Variants in SUMF1 observed in about 807,000 individuals in gnomAD.
SUMF1 encodes formylglycine-generating enzyme.
SUMF1 carries 48 observed loss-of-function variants against 47.6 expected under a neutral mutation model. The observed-to-expected ratio is 1.01, with a 90% CI of 0.80 to 1.28. The LOEUF (loss-of-function observed/expected upper bound fraction) is 1.28, where lower values mean the gene tolerates loss of function less well. Ranked by LOEUF, SUMF1 falls within the 50% of genes most tolerant of loss-of-function variation. SUMF1 has a pLI of 0.00. For synonymous variants in SUMF1, 230 were observed against 192.1 expected (o/e 1.20, Z -1.63); for missense variants, 571 against 485.4 (o/e 1.18, Z -1.66).
intron 8 of SUMF1, among the ~76,000 whole-genome samples, chr3:4,338,872 G>A (rs1260415165): frequency 6.6e-6 from 1 of 152,134 alleles, no homozygotes; most frequent in East Asian, 1.9e-4. Context: ...GCATTCGTGT[G>A]ATTGAGTTAT....
chr3:4,195,354 AG>A (rs1695405844), intron 8 of SUMF1, among the ~76,000 whole-genome samples: 1 of 152,092 alleles, frequency 6.6e-6, no homozygotes, highest in Non-Finnish European at 1.5e-5. Context: ...AGCCAAGGGA[AG>A]AGCAATAAAA....
intron 8 of SUMF1, among the ~76,000 whole-genome samples, chr3:4,216,827 C>A (rs1319641157): frequency 1.3e-5 from 2 of 152,088 alleles, no homozygotes; most frequent in African/African-American, 2.4e-5. Context: ...TCATCTCATG[C>A]CAGTTAGAAT....
intron 8 of SUMF1, among the ~76,000 whole-genome samples, chr3:4,199,921 C>T (rs1190264413): frequency 1.3e-5 from 2 of 151,932 alleles, no homozygotes; most frequent in Non-Finnish European, 2.9e-5. Context: ...TTCCTTTTTG[C>T]TTATCTGTTT....
chr3:4,294,477 T>C (rs2125057924), intron 8 of SUMF1, among the ~76,000 whole-genome samples: 1 of 152,168 alleles, frequency 6.6e-6, no homozygotes, highest in South Asian at 2.1e-4. Flanking sequence ...GGCAGGAGGA[T>C]TTCTTTAGGC....
intron 1 of SUMF1, among the ~76,000 whole-genome samples, chr3:4,465,780 A>C (rs1298312015): frequency 6.6e-6 from 1 of 152,242 alleles, no homozygotes; most frequent in Non-Finnish European, 1.5e-5. Context: ...AGTTGGGGAG[A>C]GACATCAGCA....
chr3:4,445,408 G>A (rs1223641761), intron 3 of SUMF1, among the ~76,000 whole-genome samples: 4 of 152,178 alleles, frequency 2.6e-5, no homozygotes. Flanking sequence ...TGCCATCACA[G>A]CTCACTGAAA....
At chr3:4,399,780 CAG>C (rs1413395512) in intron 7 of SUMF1, among the ~76,000 whole-genome samples, 3 of 152,150 alleles carry the variant, frequency 2.0e-5, no homozygotes, top group Non-Finnish European at 4.4e-5. Context: ...TTTTTTGAGA[CAG>C]AGTCTCGCTC....
chr3:4,277,699 C>G (rs1368135289), intron 8 of SUMF1, among the ~76,000 whole-genome samples: 2 of 152,090 alleles, frequency 1.3e-5, no homozygotes, highest in African/African-American at 4.8e-5. Context: ...CTGGATTACA[C>G]TTTCTCAATC....
chr3:4,139,539 A>G (rs914379275), intron 8 of SUMF1, among the ~76,000 whole-genome samples: 5 of 149,902 alleles, frequency 3.3e-5, no homozygotes, highest in Admixed American at 2.0e-4. Context: ...GTGTGTGTGT[A>G]TATATGTATA....
intron 8 of SUMF1, among the ~76,000 whole-genome samples, chr3:4,175,608 T>A (rs1425817449): frequency 1.3e-5 from 2 of 151,994 alleles, no homozygotes; most frequent in Non-Finnish European, 2.9e-5. Context: ...AAGCTCAAAA[T>A]TCTAAAAATC....
At chr3:4,088,899 A>G (rs1015260037) in intron 8 of SUMF1, among the ~76,000 whole-genome samples, 3 of 152,140 alleles carry the variant, frequency 2.0e-5, no homozygotes, top group African/African-American at 7.2e-5. Context: ...TGAATGAATG[A>G]AAGTGATTAG....
chr3:4,205,430 C>A (rs1051717732), intron 8 of SUMF1, among the ~76,000 whole-genome samples: 2 of 152,174 alleles, frequency 1.3e-5, no homozygotes, highest in African/African-American at 4.8e-5. Context: ...TCTCTTCACA[C>A]GGACACATGA....
At chr3:4,165,950 C>T (rs905665905) in intron 8 of SUMF1, among the ~76,000 whole-genome samples, 1 of 151,726 alleles carries the variant, frequency 6.6e-6, no homozygotes, top group Non-Finnish European at 1.5e-5. Flanking sequence ...AGCAGATCCC[C>T]CTCTTGCCCA....
chr3:4,351,354 A>G (rs1336265909), intron 8 of SUMF1, among the ~76,000 whole-genome samples: 2 of 152,218 alleles, frequency 1.3e-5, no homozygotes, highest in African/African-American at 4.8e-5. Context: ...CAGAGTTAGG[A>G]GAAGCAAGTA....
At chr3:4,155,462 T>A (rs1456724838) in intron 8 of SUMF1, among the ~76,000 whole-genome samples, 2 of 151,462 alleles carry the variant, frequency 1.3e-5, no homozygotes, top group Non-Finnish European at 2.9e-5. Flanking sequence ...ACGTAGGAGC[T>A]TTGAAGCAAA....
chr3:4,308,068 T>G (rs1476962651), intron 8 of SUMF1, among the ~76,000 whole-genome samples: 1 of 152,144 alleles, frequency 6.6e-6, no homozygotes, highest in Admixed American at 6.5e-5. Context: ...TATACTTTTC[T>G]GACTGTTTCT....
intron 3 of SUMF1, among the ~76,000 whole-genome samples, chr3:4,447,246 T>G (rs573878336): frequency 6.6e-6 from 1 of 152,290 alleles, no homozygotes; most frequent in African/African-American, 2.4e-5. Context: ...ATAAATAGAA[T>G]GCAACACTTA....
At chr3:4,425,808 C>A (rs1702049912) in intron 3 of SUMF1, among the ~76,000 whole-genome samples, 2 of 152,192 alleles carry the variant, frequency 1.3e-5, no homozygotes, top group South Asian at 4.1e-4. Flanking sequence ...GTCTCACATT[C>A]CACATGACTG....
At chr3:4,321,496 A>G (rs1168841839) in intron 8 of SUMF1, among the ~76,000 whole-genome samples, 1 of 149,160 alleles carries the variant, frequency 6.7e-6, no homozygotes, top group Non-Finnish European at 1.5e-5. Context: ...AAAAAAAAGA[A>G]AAAGAAAGAA....
Sources: allele counts gnomAD v4.1 joint callset (sites outside exome capture counted in the v4.1 genomes callset), GRCh38; gene constraint gnomAD v4.1.1; transcripts MANE v1.5; gene names NCBI Gene and HGNC (gene_info 2026-07-23, HGNC 2026-07-21).